Variants in ADGRL2 observed in about 807,000 individuals in gnomAD.
ADGRL2 encodes calcium-independent alpha-latrotoxin receptor 2.
A neutral mutation model predicts 157.4 loss-of-function variants in ADGRL2; 44 were observed. The observed-to-expected ratio is 0.28, with a 90% CI of 0.22 to 0.36. The LOEUF is 0.36. Among genes scored for constraint, ADGRL2 ranks in the 10% least tolerant of loss-of-function variants. ADGRL2 has a pLI of 1.00. For missense variants in ADGRL2, 1,510 were observed against 1,768.9 expected, an observed-to-expected ratio of 0.85 and a Z score of 2.63; for synonymous variants, 585 against 624.7, an observed-to-expected ratio of 0.94 and a Z score of 0.95.
intron 2 of ADGRL2, among the ~76,000 whole-genome samples, chr1:81,767,323 C>A (rs945789419): frequency 3.9e-5 from 6 of 151,984 alleles, no homozygotes; most frequent in African/African-American, 1.2e-4. Flanking sequence ...ACCAGTCTTG[C>A]AAATTTATAA....
chr1:81,855,178 C>T (rs963149434), intron 2 of ADGRL2, among the ~76,000 whole-genome samples: 1 of 152,114 alleles, frequency 6.6e-6, no homozygotes, highest in African/African-American at 2.4e-5. Context: ...GTGGCTCGTG[C>T]CTGTAATCCC....
intron 2 of ADGRL2, among the ~76,000 whole-genome samples, chr1:81,496,148 A>G (rs953475552): frequency 6.6e-6 from 1 of 152,160 alleles, no homozygotes; most frequent in Non-Finnish European, 1.5e-5. Context: ...ACAATAGGAA[A>G]TGTCACAATC....
intron 1 of ADGRL2, among the ~76,000 whole-genome samples, chr1:81,315,068 C>T (rs74093307): frequency 6.6e-6 from 1 of 152,132 alleles, no homozygotes; most frequent in African/African-American, 2.4e-5. Flanking sequence ...GAAATAATTT[C>T]TCACCAGTAG....
chr1:81,492,450 A>T (rs1055536378), intron 2 of ADGRL2, among the ~76,000 whole-genome samples: 1 of 152,224 alleles, frequency 6.6e-6, no homozygotes, highest in African/African-American at 2.4e-5. Context: ...TTATTCTGAT[A>T]ATGACAGTCT....
chr1:81,541,924 C>T (rs1379620042), intron 2 of ADGRL2, among the ~76,000 whole-genome samples: 1 of 152,126 alleles, frequency 6.6e-6, no homozygotes, highest in Non-Finnish European at 1.5e-5. Context: ...CTCCATTGTA[C>T]TCCAGCCTGG....
chr1:81,867,029 T>TACA (rs1178820173), intron 2 of ADGRL2, among the ~76,000 whole-genome samples: 1 of 152,166 alleles, frequency 6.6e-6, no homozygotes, highest in Non-Finnish European at 1.5e-5. Context: ...TATCTGTGAT[T>TACA]ACAAATAAAC....
At chr1:81,748,953 C>A (rs1281493741) in intron 1 of ADGRL2, among the ~76,000 whole-genome samples, 1 of 152,126 alleles carries the variant, frequency 6.6e-6, no homozygotes, top group African/African-American at 2.4e-5. Context: ...TAGGGGTGAG[C>A]CACTGTGCCC....
At chr1:81,898,348 G>A (rs960390431) in intron 2 of ADGRL2, among the ~76,000 whole-genome samples, 5 of 152,086 alleles carry the variant, frequency 3.3e-5, no homozygotes, top group African/African-American at 1.2e-4. Context: ...AAATGACATT[G>A]CATTCTTTTA....
At chr1:81,534,920 G>T (rs1389991030) in intron 2 of ADGRL2, among the ~76,000 whole-genome samples, 1 of 152,172 alleles carries the variant, frequency 6.6e-6, no homozygotes, top group Non-Finnish European at 1.5e-5. Flanking sequence ...CAAATACTAG[G>T]TGAATATTGT....
chr1:81,404,018 G>T (rs1053230236), intron 1 of ADGRL2, among the ~76,000 whole-genome samples: 1 of 151,912 alleles, frequency 6.6e-6, no homozygotes, highest in Non-Finnish European at 1.5e-5. Flanking sequence ...GGTTGGTCTC[G>T]ATCTCTTGAC....
chr1:81,794,535 AT>A (rs2149430741), intron 2 of ADGRL2, among the ~76,000 whole-genome samples: 1 of 152,258 alleles, frequency 6.6e-6, no homozygotes, highest in East Asian at 1.9e-4. Flanking sequence ...CCTAAAACAA[AT>A]TTTTCCCCAA....
chr1:81,946,944 A>G (rs112552057), intron 6 of ADGRL2, among the ~76,000 whole-genome samples: 1 of 152,278 alleles, frequency 6.6e-6, no homozygotes, highest in Non-Finnish European at 1.5e-5. Context: ...CATGGAGGAA[A>G]ACCCTGGTAA....
chr1:81,749,967 A>G (rs1266473954), intron 1 of ADGRL2, among the ~76,000 whole-genome samples: 1 of 152,234 alleles, frequency 6.6e-6, no homozygotes, highest in Non-Finnish European at 1.5e-5. Flanking sequence ...GGTTTTTACT[A>G]AAATTTATTA....
chr1:81,938,990 A>G (rs2095349561), intron 4 of ADGRL2, among the ~76,000 whole-genome samples: 1 of 151,548 alleles, frequency 6.6e-6, no homozygotes, highest in Admixed American at 6.6e-5. Flanking sequence ...TTAGTTGATA[A>G]AATTGTCACC....
chr1:81,661,919 G>A (rs1160420001), intron 3 of ADGRL2, among the ~76,000 whole-genome samples: 1 of 152,116 alleles, frequency 6.6e-6, no homozygotes, highest in Admixed American at 6.6e-5. Flanking sequence ...CATTTTGAAT[G>A]CCTACCAGGG....
chr1:81,347,517 T>G (rs1662568992), intron 1 of ADGRL2, among the ~76,000 whole-genome samples: 1 of 152,138 alleles, frequency 6.6e-6, no homozygotes, highest in Admixed American at 6.5e-5. Flanking sequence ...TTCCTAGTAT[T>G]TTGTGGTAGA....
chr1:81,653,551 T>G (rs2082466819), intron 3 of ADGRL2, among the ~76,000 whole-genome samples: 1 of 152,188 alleles, frequency 6.6e-6, no homozygotes, highest in Admixed American at 6.5e-5. Flanking sequence ...GAAAGGGACC[T>G]AAGATACAGC....
chr1:81,800,557 G>C (rs2087878623), upstream of ADGRL2: 2 of 152,100 alleles, frequency 1.3e-5, no homozygotes, highest in South Asian at 2.1e-4. Context: ...AGTCCAGGCC[G>C]GGAGCAAGCT....
intron 2 of ADGRL2, among the ~76,000 whole-genome samples, chr1:81,860,537 A>G (rs1178900980): frequency 1.3e-5 from 2 of 152,134 alleles, no homozygotes; most frequent in African/African-American, 4.8e-5. Context: ...CAAATTTTAT[A>G]ATCATATAAT....
Sources: allele counts gnomAD v4.1 joint callset (sites outside exome capture counted in the v4.1 genomes callset), GRCh38; gene constraint gnomAD v4.1.1; transcripts MANE v1.5; gene names NCBI Gene and HGNC (gene_info 2026-07-23, HGNC 2026-07-21).